Variants in CNTNAP5 observed in about 807,000 individuals in gnomAD.
CNTNAP5 encodes the protein contactin-associated protein-like 5.
A neutral mutation model predicts 150.2 loss-of-function variants in CNTNAP5; 72 were observed. The ratio of observed to expected loss-of-function variants is 0.48; its 90% CI spans 0.40 to 0.58. The LOEUF is 0.58. CNTNAP5 is among the 20% of genes least tolerant of loss of function. CNTNAP5 has a pLI of 0.00. For missense variants in CNTNAP5, 1,636 were observed against 1,626.2 expected (o/e 1.01, Z -0.10); for synonymous variants, 672 against 619.8 (o/e 1.08, Z -1.25).
At chr2:124,608,646 A>AT (rs1238475244) in intron 11 of CNTNAP5, among the ~76,000 whole-genome samples, 1 of 152,200 alleles carries the variant, frequency 6.6e-6, no homozygotes, top group African/African-American at 2.4e-5. Context: ...TACTAGGTAC[A>AT]TAAAAATAAG....
intron 19 of CNTNAP5, among the ~76,000 whole-genome samples, chr2:124,799,918 CAA>C (rs958493494): frequency 1.3e-5 from 2 of 152,240 alleles, no homozygotes; most frequent in Admixed American, 1.3e-4. Context: ...GAAGAATCCA[CAA>C]GAGAGAGGGG....
At chr2:124,890,746 T>C (rs930415766) in intron 21 of CNTNAP5, among the ~76,000 whole-genome samples, 1 of 152,042 alleles carries the variant, frequency 6.6e-6, no homozygotes, top group Admixed American at 6.6e-5. Context: ...AGACAATACA[T>C]TAGTGCAGGA....
chr2:124,633,266 G>A (rs1432272076), intron 12 of CNTNAP5, among the ~76,000 whole-genome samples: 9 of 152,108 alleles, frequency 5.9e-5, no homozygotes, highest in African/African-American at 2.2e-4. Context: ...TTTCACCTAT[G>A]AGCCTGTAAA....
At chr2:124,769,780 C>T (rs550242645) in intron 16 of CNTNAP5, among the ~76,000 whole-genome samples, 1 of 152,184 alleles carries the variant, frequency 6.6e-6, no homozygotes, top group East Asian at 1.9e-4. Context: ...TGGGAAACAC[C>T]ATCTGGATTC....
At chr2:124,178,678 G>T (rs1268196336) in intron 1 of CNTNAP5, among the ~76,000 whole-genome samples, 1 of 152,080 alleles carries the variant, frequency 6.6e-6, no homozygotes, top group Non-Finnish European at 1.5e-5. Context: ...TCTCCACCTT[G>T]GAACTGAAGT....
intron 1 of CNTNAP5, among the ~76,000 whole-genome samples, chr2:124,163,693 C>T (rs1286391999): frequency 6.6e-6 from 1 of 152,116 alleles, no homozygotes; most frequent in Non-Finnish European, 1.5e-5. Context: ...CCTTTTGTGA[C>T]AGCCCTTAAG....
chr2:124,200,160 T>G (rs1374850243), intron 1 of CNTNAP5, among the ~76,000 whole-genome samples: 1 of 152,230 alleles, frequency 6.6e-6, no homozygotes, highest in Non-Finnish European at 1.5e-5. Context: ...CAAGAACAGA[T>G]GTTAAGATAT....
At chr2:124,432,767 C>T (rs1464359599) in intron 4 of CNTNAP5, among the ~76,000 whole-genome samples, 3 of 152,192 alleles carry the variant, frequency 2.0e-5, no homozygotes, top group Non-Finnish European at 4.4e-5. Context: ...GCTACTTTGG[C>T]ATCCCTGGGC....
chr2:124,882,988 A>C (rs929187404), intron 21 of CNTNAP5, among the ~76,000 whole-genome samples: 4 of 151,746 alleles, frequency 2.6e-5, no homozygotes, highest in Non-Finnish European at 5.9e-5. Flanking sequence ...CCCAAAATAC[A>C]TGGGGATTAT....
At chr2:124,843,689 G>C (rs766230527) in intron 19 of CNTNAP5, among the ~76,000 whole-genome samples, 61 of 151,882 alleles carry the variant, frequency 4.0e-4, no homozygotes, top group South Asian at 8.3e-4. Flanking sequence ...TTGATGTTTT[G>C]ATTATGGCTA....
chr2:124,146,214 C>G (rs970596801), intron 1 of CNTNAP5, among the ~76,000 whole-genome samples: 1 of 152,140 alleles, frequency 6.6e-6, no homozygotes, highest in Non-Finnish European at 1.5e-5. Flanking sequence ...CACCTCAGCT[C>G]AGACCCGAGC....
chr2:124,432,107 A>G lies in CNTNAP5; in HGVS notation c.530-2377A>G, dbSNP rs541845380. Among the ~76,000 whole-genome samples the G allele has an allele frequency of 4.6e-5, 7 of 152,344 alleles. No homozygotes were observed. In the South Asian group the frequency reaches 8.3e-4, roughly 18 times the overall value. On this transcript the variant is annotated intron_variant, in intron 4 of 23. Transcript: ENST00000682447. ...ATAATTTGTGGATGGTGATTCTCAC[A>G]TGGCATGTGATAGCAAAAACAGAGG...
chr2:124,684,073 A>G (rs1481376994), intron 13 of CNTNAP5, among the ~76,000 whole-genome samples: 1 of 152,200 alleles, frequency 6.6e-6, no homozygotes, highest in East Asian at 1.9e-4. Flanking sequence ...TAATAGGTAA[A>G]TTAGCAAAGT....
intron 11 of CNTNAP5, among the ~76,000 whole-genome samples, chr2:124,599,751 G>A (rs1226371680): frequency 6.6e-6 from 1 of 151,994 alleles, no homozygotes; most frequent in East Asian, 1.9e-4. Flanking sequence ...TTTGTTTTTG[G>A]AGATGGAGTA....
rs1168717177 is a variant in CNTNAP5 at position 124,535,606 on chromosome 2, C to CAAA, written c.1649+8169_1649+8171dup. 2.1e-3 allele frequency among the ~76,000 whole-genome samples: 163 copies of CAAA among 75,936 alleles called. 1 individual carries two copies. The highest frequency in any genetic ancestry group is 2.5e-3 in the Non-Finnish European group (98 of 39,680). 49.8% of individuals were successfully genotyped at this position (75,936 alleles called of 152,430 possible). On this transcript the variant is annotated intron_variant, in intron 10 of 23. Transcript: ENST00000682447. ...GTGAAACCCCGTCTCTACTGAAATACAAAAAAAAAAAAAAAAAAAAATTAG... is the reference window on the plus strand; with the variant it reads ...GTGAAACCCCGTCTCTACTGAAATACAAAAAAAAAAAAAAAAAAAAAAAATTAG...
chr2:124,758,773 C>G (rs760267057), intron 14 of CNTNAP5, among the ~76,000 whole-genome samples: 1 of 151,958 alleles, frequency 6.6e-6, no homozygotes, highest in African/African-American at 2.4e-5. Context: ...GAAGGTACAA[C>G]ATAAAGAGAG....
chr2:124,553,476 C>A (rs1425760455), intron 10 of CNTNAP5, among the ~76,000 whole-genome samples: 1 of 145,250 alleles, frequency 6.9e-6, no homozygotes, highest in African/African-American at 2.5e-5. Flanking sequence ...TGCACTCCAG[C>A]CTTGGTAGCA....
chr2:124,325,516 T>G (rs947506438), intron 3 of CNTNAP5, among the ~76,000 whole-genome samples: 1 of 152,098 alleles, frequency 6.6e-6, no homozygotes, highest in Non-Finnish European at 1.5e-5. Context: ...ACAGAGTGTC[T>G]CCATGAAGTG....
Position 124,915,822 on chromosome 2 carries a change from C to T in CNTNAP5, c.*1534C>T, listed in dbSNP as rs1678757708. On this transcript the variant is annotated 3_prime_UTR_variant, in exon 24 of 24. Transcript: ENST00000682447. The stretch of plus-strand genomic sequence containing the variant: ...AATATGCATCATTCTTTGTCCTGGG[C>T]CATCTTGGAGAAAAAGGTAAGGAGA... Among the ~76,000 whole-genome samples the T allele has an allele frequency of 6.6e-6, 1 of 151,936 alleles. No homozygotes were observed. The highest frequency in any genetic ancestry group is 1.5e-5 in the Non-Finnish European group (1 of 67,970).
Sources: allele counts gnomAD v4.1 joint callset (sites outside exome capture counted in the v4.1 genomes callset), GRCh38; gene constraint gnomAD v4.1.1; transcripts MANE v1.5; gene names NCBI Gene and HGNC (gene_info 2026-07-23, HGNC 2026-07-21).